ATRNL1: variants seen among roughly 807,000 people sequenced by gnomAD.
The protein encoded by ATRNL1 is attractin-like protein 1.
ATRNL1 carries 95 observed loss-of-function variants against 182.7 expected under a neutral mutation model. The ratio of observed to expected loss-of-function variants is 0.52; its 90% CI spans 0.44 to 0.62. The LOEUF is 0.62. Ranked by LOEUF, ATRNL1 falls within the 20% of genes least tolerant of loss-of-function variation. ATRNL1 has a pLI of 0.00. For missense variants in ATRNL1, 1,471 were observed against 1,679.5 expected (o/e 0.88, Z 2.17); for synonymous variants, 576 against 568.3 (o/e 1.01, Z -0.19).
intron 20 of ATRNL1, among the ~76,000 whole-genome samples, chr10:115,409,534 C>T (rs781951630): frequency 1.2e-4 from 19 of 152,204 alleles, no homozygotes; most frequent in Non-Finnish European, 2.6e-4. Context: ...TTCACTTCCT[C>T]TTTTCCAATT....
intron 26 of ATRNL1, among the ~76,000 whole-genome samples, chr10:115,582,272 A>G (rs371394972): frequency 2.5e-3 from 372 of 148,886 alleles, no homozygotes; most frequent in Non-Finnish European, 4.5e-3. Flanking sequence ...TAATGGGATG[A>G]CTGGGTCAAA....
intron 28 of ATRNL1, among the ~76,000 whole-genome samples, chr10:115,941,460 C>A (rs1380179478): frequency 1.3e-5 from 2 of 152,140 alleles, no homozygotes; most frequent in African/African-American, 4.8e-5. Flanking sequence ...ACTCCTCTCC[C>A]GATGCTATAT....
At chr10:115,329,560 C>T (rs1482646376) in intron 18 of ATRNL1, among the ~76,000 whole-genome samples, 1 of 152,072 alleles carries the variant, frequency 6.6e-6, no homozygotes, top group Non-Finnish European at 1.5e-5. Context: ...TATTAAGTTA[C>T]TCCAATGTGC....
Position 115,469,324 on chromosome 10 carries a change from A to G in ATRNL1, c.3649A>G (p.Ile1217Val). The change falls in exon 24 of 29, where the codon ATA becomes GTA. Residue 1217 changes from isoleucine (I) to valine (V), a missense_variant. Physicochemically the swap from Ile to Val is conservative, Grantham distance 29. Around this residue, in one of 3 missense-constraint regions of ATRNL1, gnomAD observed 437 missense variants for 506.0 expected, o/e 0.86. Coordinates refer to ENST00000355044, the MANE Select transcript of ATRNL1 (RefSeq NM_207303.4). Reference sequence around the variant, plus strand: ...CAGCAACTTTTCCTGGCCTATTAAAATACAGGTAAGTGTTAAGAGTATTTA... The same window carrying G: ...CAGCAACTTTTCCTGGCCTATTAAAGTACAGGTAAGTGTTAAGAGTATTTA... ...YVSNFSWPIK[I>V]QIAFSQHNTI... is the part of the protein sequence containing the mutation. 1 of 1,521,274 alleles carries G rather than the reference A, an allele frequency of 6.6e-7. No individual in the cohort carries two copies. The highest frequency in any genetic ancestry group is 1.3e-5 in the South Asian group (1 of 77,886). The allele number at this position is 1,521,274 out of a possible 1,614,324, so 94.2% of individuals were successfully genotyped here. A position where few individuals can be genotyped will look rare whatever the true frequency, so the allele number is the denominator to read the frequency against.
At chr10:115,231,612 G>A (rs1849956984) in intron 9 of ATRNL1, among the ~76,000 whole-genome samples, 1 of 152,026 alleles carries the variant, frequency 6.6e-6, no homozygotes, top group South Asian at 2.1e-4. Flanking sequence ...AAAATAAAGG[G>A]AATAATTTGC....
intron 27 of ATRNL1, among the ~76,000 whole-genome samples, chr10:115,752,190 A>G (rs1948468131): frequency 6.6e-6 from 1 of 152,106 alleles, no homozygotes; most frequent in African/African-American, 2.4e-5. Context: ...ATATTTATTC[A>G]GAATTCATTA....
rs1256776021 is a variant in ATRNL1 at position 115,946,378 on chromosome 10, A to T, written c.*1599A>T. The T allele has an allele frequency of 6.6e-6, 1 of 152,176 alleles. No individual in the cohort carries two copies. Among genetic ancestry groups the T allele is most frequent in the Non-Finnish European group, 1.5e-5 (1 of 68,022 alleles). 9.4% of individuals were successfully genotyped at this position (152,176 alleles called of 1,614,324 possible). A position where few individuals can be genotyped will look rare whatever the true frequency, so the allele number is the denominator to read the frequency against. ...ACATAGCTGAATTTGATGAGGATTG[A>T]ATGTCATATATAAGAGGAATGATCA... is the stretch of plus-strand genomic sequence containing the variant. On this transcript the variant is annotated 3_prime_UTR_variant, in exon 29 of 29. Transcript: ENST00000355044.
intron 26 of ATRNL1, among the ~76,000 whole-genome samples, chr10:115,579,060 A>G (rs1181827813): frequency 6.6e-6 from 1 of 151,540 alleles, no homozygotes; most frequent in Non-Finnish European, 1.5e-5. Context: ...TGTTGTCAGA[A>G]AAGATTCTTG....
At chr10:115,193,388 G>T (rs1028498404) in intron 8 of ATRNL1, among the ~76,000 whole-genome samples, 3 of 151,970 alleles carry the variant, frequency 2.0e-5, no homozygotes, top group Non-Finnish European at 4.4e-5. Context: ...CATTTCATCA[G>T]TGCATCCATC....
chr10:115,885,545 A>T (rs1475756101), intron 28 of ATRNL1, among the ~76,000 whole-genome samples: 1 of 152,256 alleles, frequency 6.6e-6, no homozygotes, highest in Admixed American at 6.5e-5. Context: ...TCATCTGATC[A>T]CAATGCTAAC....
chr10:115,577,610 T>TGTG (rs1854799485), intron 26 of ATRNL1, among the ~76,000 whole-genome samples: 3 of 135,016 alleles, frequency 2.2e-5, no homozygotes, highest in Non-Finnish European at 3.2e-5. Context: ...TTCTAACAGG[T>TGTG]TGTGTGTGTG....
intron 26 of ATRNL1, among the ~76,000 whole-genome samples, chr10:115,713,685 CTAT>C (rs1947143969): frequency 9.1e-6 from 1 of 110,078 alleles, no homozygotes; most frequent in Non-Finnish European, 2.0e-5. Flanking sequence ...TTCTATCTAT[CTAT>C]CTATCTATCT....
intron 27 of ATRNL1, among the ~76,000 whole-genome samples, chr10:115,824,429 G>T (rs571536650): frequency 6.6e-6 from 1 of 152,156 alleles, no homozygotes; most frequent in African/African-American, 2.4e-5. Context: ...CTGGAAAATG[G>T]GATCTAATTA....
chr10:115,584,117 G>C (rs1472313144), intron 26 of ATRNL1, among the ~76,000 whole-genome samples: 1 of 151,374 alleles, frequency 6.6e-6, no homozygotes, highest in Admixed American at 6.6e-5. Flanking sequence ...GATCATGGTG[G>C]ATAAGCTTTT....
chr10:115,913,462 C>T (rs1158215082), intron 28 of ATRNL1, among the ~76,000 whole-genome samples: 1 of 152,242 alleles, frequency 6.6e-6, no homozygotes, highest in Non-Finnish European at 1.5e-5. Flanking sequence ...TGCTTAACTA[C>T]TGTAAAGCCA....
At chr10:115,322,295 G>A (rs1339388043) in intron 18 of ATRNL1, among the ~76,000 whole-genome samples, 1 of 151,610 alleles carries the variant, frequency 6.6e-6, no homozygotes, top group African/African-American at 2.4e-5. Context: ...GATGAAAGGA[G>A]GATAAGTATA....
chr10:115,651,182 T>A (rs1555034232), intron 26 of ATRNL1, among the ~76,000 whole-genome samples: 4 of 152,114 alleles, frequency 2.6e-5, no homozygotes, highest in Non-Finnish European at 5.9e-5. Flanking sequence ...AAAGTGTATG[T>A]TTGAAAATGT....
chr10:115,676,484 G>A (rs1375488510), intron 26 of ATRNL1, among the ~76,000 whole-genome samples: 1 of 151,826 alleles, frequency 6.6e-6, no homozygotes, highest in African/African-American at 2.4e-5. Flanking sequence ...CTTTCCAAAT[G>A]AGAAAAAATA....
intron 19 of ATRNL1, among the ~76,000 whole-genome samples, chr10:115,362,076 C>G (rs1856776351): frequency 6.6e-6 from 1 of 151,806 alleles, no homozygotes; most frequent in African/African-American, 2.4e-5. Flanking sequence ...ATTGCAAGAG[C>G]TATCATGTAT....
Sources: gnomAD v4.1 joint callset for allele counts (sites outside exome capture counted in the v4.1 genomes callset) on GRCh38, gnomAD v4.1.1 for gene constraint, gnomAD v4.1.1 regional missense constraint, MANE v1.5 for transcripts, NCBI Gene and HGNC (gene_info 2026-07-23, HGNC 2026-07-21) for gene names.